Variants in OPN4 observed in about 807,000 individuals in gnomAD.
OPN4 encodes opsin 4.
Under a neutral mutation model 49.5 loss-of-function variants are expected in OPN4, and 43 were observed. The ratio of observed to expected loss-of-function variants is 0.87; its 90% CI spans 0.68 to 1.12. The LOEUF (loss-of-function observed/expected upper bound fraction) is 1.12. Among genes scored for constraint, OPN4 ranks in the 50% most tolerant of loss-of-function variants. The pLI, the probability that OPN4 is intolerant of heterozygous loss-of-function variation, is 0.00. For synonymous variants in OPN4, 263 were observed against 258.0 expected, an observed-to-expected ratio of 1.02 and a Z score of -0.19; for missense variants, 657 against 643.9, an observed-to-expected ratio of 1.02 and a Z score of -0.22.
rs1398199909 is a variant in OPN4 at position 86,663,743 on chromosome 10, G to A, written c.1339G>A (p.Asp447Asn). 2 of 1,573,760 alleles carry A rather than the reference G, an allele frequency of 1.3e-6. No individual in the cohort carries two copies. Among genetic ancestry groups the A allele is most frequent in the Non-Finnish European group, 1.7e-6 (2 of 1,160,194 alleles). Residue 447 changes from aspartate to asparagine, a missense_variant, in exon 9 of 10, where the codon GAC (aspartate) becomes AAC (asparagine). Asp to Asn is a conservative substitution (Grantham distance 23). Transcript: ENST00000241891. The part of the protein sequence containing the change: ...GRSLYGQGLE[D>N]LEAKAPPRPQ... ...GTCCCTCTACGGTCAGGGTCTGGAGGACTTGGAAGCCAAGGCACCCCCCAG... is the reference window on the plus strand; with the variant it reads ...GTCCCTCTACGGTCAGGGTCTGGAGAACTTGGAAGCCAAGGCACCCCCCAG...
At position 86,654,882 on chromosome 10, in the gene OPN4, G is replaced by A; in HGVS notation, c.99G>A (p.Gln33=). 5.1e-6 allele frequency: 8 copies of A among 1,562,262 alleles called. No individual in the cohort carries two copies. Among genetic ancestry groups the A allele is most frequent in the Non-Finnish European group, 7.0e-6 (8 of 1,148,452 alleles). ...PAPPSWWDSS[Q]SSISSLGRLP... Reference sequence around the variant, plus strand: ...CACCCAGCTGGTGGGACAGCTCCCAGAGCAGCATCTCCAGCCTGGGCCGGC... The same window carrying A: ...CACCCAGCTGGTGGGACAGCTCCCAAAGCAGCATCTCCAGCCTGGGCCGGC... The change falls in exon 1 of 10, where the codon CAG becomes CAA. Residue 33 remains glutamine, a synonymous_variant. Coordinates refer to ENST00000241891, the MANE Select transcript of OPN4 (RefSeq NM_033282.4).
At chr10:86,657,294 T>G in intron 2 of OPN4, 1 of 769,098 alleles carries the variant, frequency 1.3e-6, no homozygotes, top group East Asian at 2.4e-5. Flanking sequence ...CCGGAGCAAG[T>G]CACTTCATGA....
intron 9 of OPN4, chr10:86,664,063 TG>T (rs1172328107): frequency 2.3e-6 from 1 of 440,406 alleles, no homozygotes; most frequent in African/African-American, 2.0e-5. Flanking sequence ...TGCATGGTGC[TG>T]TTGGCTGTGC....
intron 1 of OPN4, 69 bp downstream of exon 1, chr10:86,654,996 A>G: frequency 2.7e-6 from 4 of 1,495,360 alleles, no homozygotes; most frequent in Middle Eastern, 1.9e-4. Context: ...TCCTGGCCAC[A>G]CACAGGGGCT....
intron 8 of OPN4, among the ~76,000 whole-genome samples, chr10:86,663,344 A>T (rs1232981088): frequency 6.6e-6 from 1 of 152,118 alleles, no homozygotes; most frequent in Non-Finnish European, 1.5e-5. Flanking sequence ...AACAAGGAGA[A>T]ATCTAATCTG....
Position 86,665,731 on chromosome 10 carries a change from A to T in OPN4, c.1417A>T (p.Ser473Cys), listed in dbSNP as rs776295436. Residue 473 changes from serine (S) to cysteine (C), a missense_variant, in exon 10 of 10, where the codon AGC becomes TGC. Transcript: ENST00000241891. The stretch of plus-strand genomic sequence containing the variant: ...TTTGCAGACCAAGGGGCTGATCCCC[A>T]GCCAGGACCCCAGGATGTAGGACGC... ...TPGKTKGLIP[S>C]QDPRM The T allele has an allele frequency of 3.7e-6, 6 of 1,613,724 alleles. No individual in the cohort carries two copies. The South Asian group carries it at 6.6e-5, about 18-fold the overall frequency.
chr10:86,664,083 G>C (rs1212397147), intron 9 of OPN4: 2 of 392,258 alleles, frequency 5.1e-6, no homozygotes, highest in African/African-American at 2.0e-5. Flanking sequence ...GCTGTGGCAT[G>C]ATAAGAGTAC....
At chr10:86,657,949 A>G in intron 2 of OPN4, 83 bp from the exon 3 acceptor site, 7 of 1,424,358 alleles carry the variant, frequency 4.9e-6, no homozygotes, top group Non-Finnish European at 6.7e-6. Flanking sequence ...GTGTGTGCAC[A>G]TGCATACCTG....
intron 2 of OPN4, chr10:86,657,379 G>A: frequency 1.6e-6 from 1 of 637,276 alleles, no homozygotes; most frequent in Non-Finnish European, 2.9e-6. Context: ...ATGATGACAG[G>A]AGCCGAGGCT....
At chr10:86,657,633 G>T (rs1028326969) in intron 2 of OPN4, among the ~76,000 whole-genome samples, 1 of 152,202 alleles carries the variant, frequency 6.6e-6, no homozygotes, top group South Asian at 2.1e-4. Context: ...GGCCTAGAGG[G>T]ACTCAAGGAA....
chr10:86,666,042 A>C lies in OPN4; in HGVS notation c.*291A>C. ...TTCCCGAGTTGTCTGCCTCTCCTCA[A>C]ATGCTGTGTGCTGCAATTGTCCAGG... On this transcript the variant is annotated 3_prime_UTR_variant, in exon 10 of 10. Transcript: ENST00000241891. The C allele has an allele frequency of 2.1e-6, 1 of 471,366 alleles. No individual in the cohort carries two copies. The allele number at this position is 471,366 out of a possible 1,614,324, so 29.2% of individuals were successfully genotyped here.
chr10:86,660,925 G>A (rs1843988160), intron 6 of OPN4, among the ~76,000 whole-genome samples: 1 of 152,158 alleles, frequency 6.6e-6, no homozygotes, highest in African/African-American at 2.4e-5. Flanking sequence ...TCAGGAGTTC[G>A]AGATTAGCCT....
intron 2 of OPN4, among the ~76,000 whole-genome samples, chr10:86,657,422 G>T (rs906666595): frequency 1.3e-5 from 2 of 152,200 alleles, no homozygotes; most frequent in Non-Finnish European, 2.9e-5. Context: ...GTGGTGCACA[G>T]CCATCAGCTC....
chr10:86,664,710 C>T (rs892491732), intron 9 of OPN4, among the ~76,000 whole-genome samples: 3 of 152,186 alleles, frequency 2.0e-5, no homozygotes, highest in African/African-American at 7.2e-5. Context: ...TGGGCTGTAC[C>T]TGCAGTCGGG....
intron 3 of OPN4, 73 bp downstream of exon 3, chr10:86,658,238 G>A (rs1218710856): frequency 1.0e-5 from 16 of 1,570,216 alleles, no homozygotes; most frequent in African/African-American, 1.4e-5. Context: ...AATGGAGGGT[G>A]GCCCAAAGGA....
At position 86,659,145 on chromosome 10, in the gene OPN4, C is replaced by T. The variant is rs1054137964; in HGVS notation, c.629-152C>T. 47 of 624,142 alleles carry T rather than the reference C, an allele frequency of 7.5e-5. No individual in the cohort carries two copies. The African/African-American group carries it at 7.7e-4, about 10-fold the overall frequency. The allele number at this position is 624,142 out of a possible 1,614,324, so 38.7% of individuals were successfully genotyped here. ...AGGCAGTGGGCTTTGCAGGCCATCC[C>T]AGTTCCCTCCAGCTTCCTCACTGCA... On this transcript the variant is annotated intron_variant, in intron 4 of 9. Coordinates refer to ENST00000241891, the MANE Select transcript of OPN4 (RefSeq NM_033282.4).
Position 86,662,343 on chromosome 10 carries a change from C to T in OPN4, c.1165C>T (p.His389Tyr), listed in dbSNP as rs1268061305. ...SRPYPSYRSTHRSTLTSHTSN... is the reference protein window; with the variant it reads ...SRPYPSYRSTYRSTLTSHTSN... ...CCCCTACCCCAGCTACCGCTCCACC[C>T]ACCGCTCCACGCTGACCAGCCACAC... is the stretch of plus-strand genomic sequence containing the variant. The change falls in exon 8 of 10, where the codon CAC becomes TAC. Residue 389 changes from histidine to tyrosine, a missense_variant. His to Tyr is a moderately conservative substitution (Grantham distance 83, BLOSUM62 2). Transcript: ENST00000241891. 1.9e-5 allele frequency: 31 copies of T among 1,597,808 alleles called. No individual in the cohort carries two copies. The highest frequency in any genetic ancestry group is 2.6e-5 in the Non-Finnish European group (31 of 1,173,572).
chr10:86,661,443 A>G (rs1844006004), intron 7 of OPN4, 55 bp downstream of exon 7: 2 of 1,352,506 alleles, frequency 1.5e-6, no homozygotes, highest in South Asian at 2.5e-5. Context: ...TGGCCTGCCG[A>G]TGGGGGCAGA....
chr10:86,662,512 G>A lies in OPN4; in HGVS notation c.1254+80G>A, dbSNP rs1410573033. On this transcript the variant is annotated intron_variant, in intron 8 of 9. Transcript: ENST00000241891. ...CCCTGGGGCTCTGGGGAATACATAG[G>A]CCCTGGCAGGGCTGCCTCTGAGACT... 3.6e-6 allele frequency: 5 copies of A among 1,371,170 alleles called. No individual in the cohort carries two copies. The East Asian group carries it at 1.3e-4, about 34-fold the overall frequency. The allele number at this position is 1,371,170 out of a possible 1,614,324, so 84.9% of individuals were successfully genotyped here.
Sources: gnomAD v4.1 joint callset for allele counts (sites outside exome capture counted in the v4.1 genomes callset) on GRCh38, gnomAD v4.1.1 for gene constraint, MANE v1.5 for transcripts, NCBI Gene and HGNC (gene_info 2026-07-23, HGNC 2026-07-21) for gene names.